ARHGEF3: variants seen among roughly 807,000 people sequenced by gnomAD.
ARHGEF3 encodes the protein Rho guanine nucleotide exchange factor 3.
ARHGEF3 carries 28 observed loss-of-function variants against 63.2 expected under a neutral mutation model. The ratio of observed to expected loss-of-function variants is 0.44; its 90% confidence interval spans 0.33 to 0.61. The LOEUF (loss-of-function observed/expected upper bound fraction) is 0.61. ARHGEF3 is among the 20% of genes least tolerant of loss of function. The pLI is 0.03. For missense variants in ARHGEF3, 533 were observed against 659.3 expected, an observed-to-expected ratio of 0.81 and a Z score of 2.10; for synonymous variants, 266 against 254.2, an observed-to-expected ratio of 1.05 and a Z score of -0.44.
At chr3:57,049,364 G>A (rs1168853574) in intron 1 of ARHGEF3, among the ~76,000 whole-genome samples, 1 of 151,990 alleles carries the variant, frequency 6.6e-6, no homozygotes, top group Non-Finnish European at 1.5e-5. Context: ...GTGAGACCCT[G>A]ACTCCAATAA....
intron 2 of ARHGEF3, among the ~76,000 whole-genome samples, chr3:57,031,948 C>A (rs1425039097): frequency 1.3e-5 from 2 of 152,156 alleles, no homozygotes; most frequent in East Asian, 3.8e-4. Context: ...TTTCTTCTGG[C>A]TCTAAATTTT....
At chr3:56,850,504 G>C (rs2039640850) in intron 4 of ARHGEF3, among the ~76,000 whole-genome samples, 1 of 152,206 alleles carries the variant, frequency 6.6e-6, no homozygotes, top group African/African-American at 2.4e-5. Flanking sequence ...ACTGCAGCCT[G>C]GGTGACAGAG....
chr3:57,038,224 G>A (rs370213079), intron 1 of ARHGEF3, among the ~76,000 whole-genome samples: 1 of 152,184 alleles, frequency 6.6e-6, no homozygotes, highest in South Asian at 2.1e-4. Context: ...CTCGGTGGTG[G>A]CTGAATGAAT....
intron 3 of ARHGEF3, among the ~76,000 whole-genome samples, chr3:56,917,722 AAACTCAACAGC>A (rs1218544627): frequency 6.6e-6 from 1 of 152,208 alleles, no homozygotes; most frequent in Non-Finnish European, 1.5e-5. Context: ...AAGAACTGGC[AAACTCAACAGC>A]AAGGCAGTGC....
intron 3 of ARHGEF3, among the ~76,000 whole-genome samples, chr3:56,939,557 G>A (rs1699073459): frequency 6.6e-6 from 1 of 152,100 alleles, no homozygotes; most frequent in East Asian, 1.9e-4. Flanking sequence ...TCTAGAAATG[G>A]CTTAAGAACA....
At chr3:56,781,273 A>C (rs2036553995) in intron 1 of ARHGEF3, among the ~76,000 whole-genome samples, 1 of 148,496 alleles carries the variant, frequency 6.7e-6, no homozygotes, top group African/African-American at 2.5e-5. Flanking sequence ...TTTGAGACAG[A>C]GTCTCGTTCT....
chr3:56,927,615 G>T (rs1258759946), intron 3 of ARHGEF3, among the ~76,000 whole-genome samples: 2 of 152,142 alleles, frequency 1.3e-5, no homozygotes, highest in Admixed American at 1.3e-4. Context: ...CCAGGATCAG[G>T]CACCTAAAGT....
intron 3 of ARHGEF3, among the ~76,000 whole-genome samples, chr3:56,887,579 T>C (rs2040966738): frequency 6.6e-6 from 1 of 152,202 alleles, no homozygotes; most frequent in African/African-American, 2.4e-5. Flanking sequence ...TTTTACTTCC[T>C]CTGCATAAAA....
chr3:56,811,143 T>C (rs985217355), intron 4 of ARHGEF3, among the ~76,000 whole-genome samples: 1 of 152,176 alleles, frequency 6.6e-6, no homozygotes, highest in Non-Finnish European at 1.5e-5. Context: ...AATTGACAAA[T>C]CTATACTCCG....
Position 57,045,228 on chromosome 3 carries a change from T to C in ARHGEF3, c.-27-10052A>G, listed in dbSNP as rs541057815. On this transcript the variant is annotated intron_variant, in intron 1 of 12. Transcript: ENST00000338458. The stretch of plus-strand genomic sequence containing the variant: ...GTTAAAGTGGGCTGAGATCGCACCA[T>C]TGCACTCCAGCCTGGGTGATAAGAG... Among the ~76,000 whole-genome samples the C allele has an allele frequency of 4.6e-5, 7 of 152,286 alleles. No homozygotes were observed. In the East Asian group the frequency reaches 1.4e-3, roughly 29 times the overall value.
At chr3:57,049,895 C>G (rs1445026069) in intron 1 of ARHGEF3, among the ~76,000 whole-genome samples, 1 of 152,194 alleles carries the variant, frequency 6.6e-6, no homozygotes, top group African/African-American at 2.4e-5. Context: ...TACATTAATC[C>G]CCATCTTACA....
At chr3:57,019,417 G>C (rs1703153640) in intron 2 of ARHGEF3, among the ~76,000 whole-genome samples, 1 of 152,002 alleles carries the variant, frequency 6.6e-6, no homozygotes, top group Non-Finnish European at 1.5e-5. Flanking sequence ...GCCTCGGTGT[G>C]TTCCTAGGGA....
chr3:56,871,019 A>C (rs4681922), intron 4 of ARHGEF3, among the ~76,000 whole-genome samples: 149,373 of 152,224 alleles, frequency 0.98, 73,347 homozygotes, highest in East Asian at 1. Context: ...TTTTACATAT[A>C]TATTTATCTA....
chr3:56,770,588 CAT>C (rs770204937), intron 2 of ARHGEF3, among the ~76,000 whole-genome samples: 1 of 152,102 alleles, frequency 6.6e-6, no homozygotes, highest in Non-Finnish European at 1.5e-5. Context: ...TACAAGAAGA[CAT>C]GTGGGGACAA....
intron 3 of ARHGEF3, among the ~76,000 whole-genome samples, chr3:56,920,296 A>C (rs2042092231): frequency 6.6e-6 from 1 of 152,228 alleles, no homozygotes; most frequent in African/African-American, 2.4e-5. Context: ...AACTGGTAAC[A>C]ACCCCTCTTG....
intron 9 of ARHGEF3, among the ~76,000 whole-genome samples, chr3:56,730,035 T>C (rs1406343407): frequency 6.6e-6 from 1 of 152,140 alleles, no homozygotes; most frequent in South Asian, 2.1e-4. Context: ...GCCTGAGCAA[T>C]ATAGTGACGC....
chr3:56,977,502 G>A, intron 2 of ARHGEF3: 1 of 353,252 alleles, frequency 2.8e-6, no homozygotes, highest in Non-Finnish European at 5.5e-6. Flanking sequence ...AGCCCTTGGA[G>A]AGACATGTCC....
intron 3 of ARHGEF3, among the ~76,000 whole-genome samples, chr3:56,889,223 C>G (rs2041032300): frequency 1.3e-5 from 2 of 152,146 alleles, no homozygotes; most frequent in South Asian, 4.1e-4. Context: ...CGGTAAATAA[C>G]CCATGAACAA....
At chr3:56,958,959 T>C in intron 2 of ARHGEF3, 1 of 1,451,682 alleles carries the variant, frequency 6.9e-7, no homozygotes. Flanking sequence ...TGCTTTCAAA[T>C]GCAGGTTTAT....
Sources: allele counts gnomAD v4.1 joint callset (sites outside exome capture counted in the v4.1 genomes callset), GRCh38; gene constraint gnomAD v4.1.1; transcripts MANE v1.5; gene names NCBI Gene and HGNC (gene_info 2026-07-23, HGNC 2026-07-21).